The following ERCC5 variants were observed in gnomAD, a reference collection of about 807,000 sequenced individuals.
ERCC5 encodes ERCC excision repair 5, endonuclease.
ERCC5 carries 68 observed loss-of-function variants against 105.6 expected under a neutral mutation model. That is an observed-to-expected ratio of 0.64 (90% CI 0.53 to 0.79). ERCC5 has a LOEUF of 0.79. ERCC5 is among the 30% of genes least tolerant of loss of function. The pLI, the probability that ERCC5 is intolerant of heterozygous loss-of-function variation, is 0.00. For missense variants in ERCC5, 1,373 were observed against 1,426.7 expected, an observed-to-expected ratio of 0.96 and a Z score of 0.61; for synonymous variants, 546 against 526.2, an observed-to-expected ratio of 1.04 and a Z score of -0.51.
intron 12 of ERCC5, among the ~76,000 whole-genome samples, chr13:102,871,756 G>T (rs1308714590): frequency 6.6e-6 from 1 of 151,916 alleles, no homozygotes; most frequent in Non-Finnish European, 1.5e-5. Context: ...TATTTGATTT[G>T]AGGTAAATAA....
intron 4 of ERCC5, among the ~76,000 whole-genome samples, chr13:102,855,834 T>C (rs1290489583): frequency 1.3e-5 from 2 of 152,160 alleles, no homozygotes; most frequent in African/African-American, 4.8e-5. Context: ...ATTGCATCTC[T>C]AGTGACCTGC....
rs6491715 is a variant in ERCC5 at position 102,861,228 on chromosome 13, G to A, written c.673-279G>A. Reference sequence around the variant, plus strand: ...GGTCTCGAACTCCTGACCTCCGGTGGTCCACCCATCTCGGCCTCCCAAAGT... The same window carrying A: ...GGTCTCGAACTCCTGACCTCCGGTGATCCACCCATCTCGGCCTCCCAAAGT... On this transcript the variant is annotated intron_variant, in intron 6 of 14. Coordinates refer to ENST00000652225, the MANE Select transcript of ERCC5 (RefSeq NM_000123.4). Among the ~76,000 whole-genome samples, 151,958 of 152,260 alleles carry A rather than the reference G, an allele frequency of 1. 75,830 individuals carry two copies. Among genetic ancestry groups the A allele is most frequent in the Middle Eastern group, 1 (294 of 294 alleles).
chr13:102,873,089 T>C (rs147357130), intron 13 of ERCC5, among the ~76,000 whole-genome samples, 170 bp from the exon 14 acceptor site: 1 of 152,362 alleles, frequency 6.6e-6, no homozygotes, highest in East Asian at 1.9e-4. Flanking sequence ...CAGATGATTA[T>C]GCTGGAGTCA....
chr13:102,854,381 G>T lies in ERCC5; in HGVS notation c.467+7G>T. The T allele has an allele frequency of 1.2e-6, 2 of 1,613,166 alleles. No individual in the cohort carries two copies. Among genetic ancestry groups the T allele is most frequent in the Non-Finnish European group, 1.7e-6 (2 of 1,179,154 alleles). ...AAGAGGAAGAAAAACACAGGTAAAT[G>T]TTTAACTATTTAAGAATATTATTTT... On this transcript the variant is annotated splice_region_variant and intron_variant, in intron 4 of 14. Transcript: ENST00000652225.
intron 8 of ERCC5, chr13:102,864,918 T>G (rs2140530487): frequency 6.5e-6 from 1 of 152,758 alleles, no homozygotes; most frequent in East Asian, 1.9e-4. Flanking sequence ...TCTAGCCTCC[T>G]GCTTCTTTAT....
intron 6 of ERCC5, 33 bp downstream of exon 6, chr13:102,858,451 A>G (rs1882504544): frequency 1.9e-6 from 3 of 1,613,954 alleles, no homozygotes; most frequent in African/African-American, 1.3e-5. Context: ...CATGCTTAGA[A>G]TTAAGAACTT....
intron 1 of ERCC5, among the ~76,000 whole-genome samples, chr13:102,847,489 CTG>C (rs1344264280): frequency 2.6e-5 from 4 of 152,014 alleles, no homozygotes; most frequent in Admixed American, 1.3e-4. Context: ...GAATCCCTGA[CTG>C]TGGAGCCCTA....
intron 8 of ERCC5, among the ~76,000 whole-genome samples, chr13:102,864,121 A>C (rs1336272590): frequency 6.9e-5 from 6 of 86,912 alleles, no homozygotes; most frequent in Non-Finnish European, 1.3e-4. Context: ...GAATAAGAGA[A>C]TCAACCACAC....
intron 11 of ERCC5, among the ~76,000 whole-genome samples, chr13:102,867,528 T>A (rs1443452014): frequency 1.3e-5 from 2 of 152,096 alleles, no homozygotes; most frequent in Non-Finnish European, 2.9e-5. Context: ...GTGGGCTGTG[T>A]TCTAGGGAAG....
In ERCC5 at chr13:102,875,313, C is replaced by G; in HGVS notation, c.2971C>G (p.Leu991Val). The G allele has an allele frequency of 1.2e-6, 2 of 1,613,746 alleles. No individual in the cohort carries two copies. Among genetic ancestry groups the G allele is most frequent in the Non-Finnish European group, 1.7e-6 (2 of 1,179,954 alleles). Residue 991 changes from leucine to valine, a missense_variant, in exon 15 of 15, where the codon CTC becomes GTC. Physicochemically the swap from Leu to Val is conservative, Grantham distance 32. Coordinates refer to ENST00000652225, the MANE Select transcript of ERCC5 (RefSeq NM_000123.4). Reference sequence around the variant, plus strand: ...TCTTTTGTTATTTTTTTAGACACAGCTCCGAATTGATTCCTTCTTTAGATT... The same window carrying G: ...TCTTTTGTTATTTTTTTAGACACAGGTCCGAATTGATTCCTTCTTTAGATT... ...LKQLDAQQTQLRIDSFFRLAQ... is the reference protein window; with the variant it reads ...LKQLDAQQTQVRIDSFFRLAQ...
intron 6 of ERCC5, among the ~76,000 whole-genome samples, chr13:102,860,736 T>C (rs773330970): frequency 3.3e-5 from 5 of 152,214 alleles, no homozygotes; most frequent in African/African-American, 7.2e-5. Context: ...AGGTATTATA[T>C]GTAAAAGCAC....
At chr13:102,871,028 C>T (rs1158610824) in intron 12 of ERCC5, among the ~76,000 whole-genome samples, 1 of 152,218 alleles carries the variant, frequency 6.6e-6, no homozygotes. Flanking sequence ...TGATTTTGCT[C>T]ATGCCTCTGA....
intron 14 of ERCC5, 109 bp from the exon 15 acceptor site, chr13:102,875,198 C>A: frequency 8.1e-7 from 1 of 1,236,966 alleles, no homozygotes; most frequent in Non-Finnish European, 1.1e-6. Flanking sequence ...TTAATATTCT[C>A]TGACATAGTA....
Position 102,865,929 on chromosome 13 carries a change from T to C in ERCC5, c.2199+18T>C, listed in dbSNP as rs749442471. 17 of 1,614,070 alleles carry C rather than the reference T, an allele frequency of 1.1e-5. No individual in the cohort carries two copies. Among genetic ancestry groups the C allele is most frequent in the Non-Finnish European group, 1.4e-5 (16 of 1,180,024 alleles). ...TTAATTTGGTAATACCGTAACATTG[T>C]GTTTCGACTTCTTGCTGAGGAAGCC... is the stretch of plus-strand genomic sequence containing the variant. On this transcript the variant is annotated intron_variant, in intron 9 of 14. Transcript: ENST00000652225. This position sits in a 1 kb window ranked among gnomAD's most constrained non-coding sequence, Gnocchi z 4.0.
At chr13:102,850,811 A>G (rs571637370) in intron 1 of ERCC5, among the ~76,000 whole-genome samples, 1 of 152,090 alleles carries the variant, frequency 6.6e-6, no homozygotes, top group Non-Finnish European at 1.5e-5. Flanking sequence ...AGACATATAC[A>G]TGGAGTCAGG....
At chr13:102,853,945 TC>T in intron 3 of ERCC5, 73 bp downstream of exon 3, 3 of 1,403,844 alleles carry the variant, frequency 2.1e-6, no homozygotes, top group Non-Finnish European at 3.0e-6. Flanking sequence ...TTCCTGCGAT[TC>T]TCTTTCCCTA....
chr13:102,875,981 A>G lies in ERCC5; in HGVS notation c.*78A>G, dbSNP rs1473878038. The G allele has an allele frequency of 2.6e-6, 4 of 1,538,586 alleles. No homozygotes were observed. The highest frequency in any genetic ancestry group is 2.3e-5 in the East Asian group (1 of 42,652). On this transcript the variant is annotated 3_prime_UTR_variant, in exon 15 of 15. Coordinates refer to ENST00000652225, the MANE Select transcript of ERCC5 (RefSeq NM_000123.4). ...TTGTCGCAAAGACGTAATAAAATTA[A>G]CTGGTGGCACGGTCTTTGTATTTAG...
At chr13:102,859,175 T>A (rs1882534355) in intron 6 of ERCC5, among the ~76,000 whole-genome samples, 2 of 152,242 alleles carry the variant, frequency 1.3e-5, no homozygotes, top group South Asian at 2.1e-4. Flanking sequence ...TCTCTTTCTG[T>A]TGCTGCTACC....
chr13:102,852,217 G>C lies in ERCC5; in HGVS notation c.188G>C (p.Cys63Ser), dbSNP rs772466904. The change falls in exon 2 of 15, where the codon TGC (cysteine) becomes TCC (serine). Residue 63 changes from cysteine to serine, a missense_variant. Physicochemically the swap from Cys to Ser is moderately radical, Grantham distance 112. Transcript: ENST00000652225. Reference protein sequence around the residue: ...PHLLTLFHRLCKLLFFRIRPI... With the variant: ...PHLLTLFHRLSKLLFFRIRPI... ...CTTCTCACTTTGTTTCATCGGCTCT[G>C]CAAACTCTTATTTTTTCGAATTCGT... 1.9e-6 allele frequency: 3 copies of C among 1,614,084 alleles called. No homozygotes were observed. Among genetic ancestry groups the C allele is most frequent in the Non-Finnish European group, 2.5e-6 (3 of 1,180,004 alleles).
Sources: allele counts gnomAD v4.1 joint callset (sites outside exome capture counted in the v4.1 genomes callset), GRCh38; gene constraint gnomAD v4.1.1; non-coding constraint Gnocchi (gnomAD v3.1); transcripts MANE v1.5; gene names NCBI Gene and HGNC (gene_info 2026-07-23, HGNC 2026-07-21).